Variants in MUC12 observed in about 807,000 individuals in gnomAD.
MUC12 encodes mucin 12, cell surface associated.
A neutral mutation model predicts 230.8 loss-of-function variants in MUC12; 172 were observed. The ratio of observed to expected loss-of-function variants is 0.75; its 90% CI spans 0.66 to 0.85. MUC12 has a LOEUF of 0.85. Ranked by LOEUF, MUC12 falls within the 40% of genes least tolerant of loss-of-function variation. The pLI is 0.00. For missense variants in MUC12, 3,506 were observed against 5,920.6 expected, an observed-to-expected ratio of 0.59 and a Z score of 13.38; for synonymous variants, 1,259 against 2,401.9, an observed-to-expected ratio of 0.52 and a Z score of 13.91.
chr7:100,976,215 C>T (rs560373010), intron 1 of MUC12, among the ~76,000 whole-genome samples: 1 of 152,000 alleles, frequency 6.6e-6, no homozygotes, highest in Non-Finnish European at 1.5e-5. Flanking sequence ...CAATTCCAGG[C>T]TGCAGTGAGC....
intron 1 of MUC12, among the ~76,000 whole-genome samples, chr7:100,986,712 C>T (rs1793196643): frequency 6.6e-6 from 1 of 152,116 alleles, no homozygotes; most frequent in African/African-American, 2.4e-5. Context: ...AGGACTGAAC[C>T]GTCTCCTCTG....
chr7:101,006,525 G>A lies in MUC12; in HGVS notation c.15011G>A (p.Gly5004Asp), dbSNP rs994203172. 3.3e-6 allele frequency: 5 copies of A among 1,537,106 alleles called. No homozygotes were observed. In the Admixed American group the frequency reaches 7.8e-5, roughly 24 times the overall value. The stretch of plus-strand genomic sequence containing the variant: ...GGAAAACAATGCGTCTGTCCCCAAG[G>A]CTACGTTGGTTACCAGTGCTTGTCC... ...WNGKQCVCPQ[G>D]YVGYQCLSPL... Residue 5004 changes from glycine to aspartate, a missense_variant, in exon 3 of 12, where the codon GGC becomes GAC. Transcript: ENST00000536621.
intron 9 of MUC12, 54 bp downstream of exon 9, chr7:101,014,128 G>T (rs1384957083): frequency 6.8e-7 from 1 of 1,464,974 alleles, no homozygotes; most frequent in South Asian, 1.4e-5. Flanking sequence ...AGATCCTGGG[G>T]TGGCCACTGT....
At chr7:101,014,237 A>C (rs1793882193) in intron 9 of MUC12, 163 bp downstream of exon 9, 2 of 717,158 alleles carry the variant, frequency 2.8e-6, no homozygotes, top group Admixed American at 6.9e-5. Context: ...GGGTGCAGCA[A>C]AGGGCGGCCT....
Position 101,004,728 on chromosome 7 carries a change from AAAC to A in MUC12, c.14170_14172del (p.Thr4724del), listed in dbSNP as rs1477159779. 9 of 1,537,002 alleles carry A rather than the reference AAAC, an allele frequency of 5.9e-6. No homozygotes were observed. Among genetic ancestry groups the A allele is most frequent in the East Asian group, 2.4e-5 (1 of 40,908 alleles). On this transcript the variant is annotated inframe_deletion, in exon 2 of 12. Coordinates refer to ENST00000536621, the MANE Select transcript of MUC12 (RefSeq NM_001164462.2). The stretch of plus-strand genomic sequence containing the variant: ...TTCTATATCTCTCCAGGCTCAATGG[AAAC>A]AACATTAGCCAGCACTGCCACAACA...
At chr7:100,973,123 G>T (rs1792944592) in intron 1 of MUC12, 2 of 663,024 alleles carry the variant, frequency 3.0e-6, no homozygotes, top group Non-Finnish European at 5.5e-6. Context: ...GGCTGAGTAG[G>T]GCTGGGGATG....
At chr7:100,969,802 G>C in intron 1 of MUC12, 113 bp downstream of exon 1, 1 of 1,449,304 alleles carries the variant, frequency 6.9e-7, no homozygotes, top group East Asian at 2.5e-5. Context: ...GCATGGCAAG[G>C]GGCTGCCACA....
intron 1 of MUC12, among the ~76,000 whole-genome samples, chr7:100,990,338 C>A (rs1364547487): frequency 1.3e-5 from 2 of 152,184 alleles, no homozygotes; most frequent in Non-Finnish European, 2.9e-5. Context: ...TTGAATCATC[C>A]CAAAACCATT....
chr7:101,008,191 A>C (rs10447810), intron 3 of MUC12, among the ~76,000 whole-genome samples: 72,854 of 151,684 alleles, frequency 0.48, 17,669 homozygotes, highest in East Asian at 0.6. Flanking sequence ...AGAGGTGCAG[A>C]TCATAGCTCA....
Position 101,018,800 on chromosome 7 carries a change from G to C in MUC12, c.*164G>C, listed in dbSNP as rs1262784261. ...TGGCCAGTCCCCTGCCTGTGCTCCT[G>C]CTGGGGAAGGCTGGGGGCTGTAAGC... On this transcript the variant is annotated 3_prime_UTR_variant, in exon 12 of 12. Coordinates refer to ENST00000536621, the MANE Select transcript of MUC12 (RefSeq NM_001164462.2). 3.7e-5 allele frequency: 23 copies of C among 616,580 alleles called. No homozygotes were observed. Among genetic ancestry groups the C allele is most frequent in the Non-Finnish European group, 6.0e-5 (23 of 384,558 alleles). 38.2% of individuals were successfully genotyped at this position (616,580 alleles called of 1,614,324 possible). A position where few individuals can be genotyped will look rare whatever the true frequency, so the allele number is the denominator to read the frequency against.
In MUC12 at chr7:100,994,432, C is replaced by T; in HGVS notation, c.3869C>T (p.Thr1290Ile). 1.0e-6 allele frequency: 1 copy of T among 972,560 alleles called. No homozygotes were observed. 60.2% of individuals were successfully genotyped at this position (972,560 alleles called of 1,614,324 possible). ...ETTTLPGSPTTPSLSEKSTTF... is the reference protein window; with the variant it reads ...ETTTLPGSPTIPSLSEKSTTF... Reference sequence around the variant, plus strand: ...ACAACTTTACCTGGCAGTCCCACAACACCAAGCCTCAGTGAGAAATCAACC... The same window carrying T: ...ACAACTTTACCTGGCAGTCCCACAATACCAAGCCTCAGTGAGAAATCAACC... Residue 1290 changes from threonine (T) to isoleucine (I), a missense_variant, in exon 2 of 12, where the codon ACA becomes ATA. Physicochemically the swap from Thr to Ile is moderately conservative, Grantham distance 89 (BLOSUM62 -1). Coordinates refer to ENST00000536621, the MANE Select transcript of MUC12 (RefSeq NM_001164462.2).
At chr7:100,987,970 T>TA (rs34064326) in intron 1 of MUC12, among the ~76,000 whole-genome samples, 20,501 of 113,862 alleles carry the variant, frequency 0.18, 1,603 homozygotes, top group Middle Eastern at 0.29. Flanking sequence ...AAACTACGTC[T>TA]AAAAAAAAAA....
chr7:100,975,526 A>G (rs1398304942), intron 1 of MUC12, among the ~76,000 whole-genome samples: 84 of 152,392 alleles, frequency 5.5e-4, no homozygotes, highest in African/African-American at 1.9e-3. Context: ...TTATTCAGCA[A>G]ACACCAAAGG....
intron 5 of MUC12, 74 bp from the exon 6 acceptor site, chr7:101,012,222 A>G (rs1359010235): frequency 1.3e-6 from 2 of 1,492,310 alleles, no homozygotes; most frequent in African/African-American, 2.8e-5. Flanking sequence ...TCCCATTACC[A>G]CTCTGGGTGC....
rs990691516 is a variant in MUC12, at chr7:101,015,747, G to A, written c.15877+56G>A. 310 of 1,459,354 alleles carry A rather than the reference G, an allele frequency of 2.1e-4. 2 individuals are homozygous for A. The highest frequency in any genetic ancestry group is 2.8e-4 in the Non-Finnish European group (304 of 1,077,672). 90.4% of individuals were successfully genotyped at this position (1,459,354 alleles called of 1,614,324 possible). A position where few individuals can be genotyped will look rare whatever the true frequency, so the allele number is the denominator to read the frequency against. ...AGAGCTGGAGGGTGAAGAAAGGCAG[G>A]GCGGTGCCTGTGCCTGTGGGGGTGA... On this transcript the variant is annotated intron_variant, in intron 10 of 11. Transcript: ENST00000536621.
intron 1 of MUC12, among the ~76,000 whole-genome samples, chr7:100,977,820 G>A (rs777158174): frequency 5.9e-5 from 9 of 151,786 alleles, no homozygotes; most frequent in Admixed American, 1.3e-4. Flanking sequence ...CACTGGCCTC[G>A]GCCTCTCAAA....
Position 101,013,940 on chromosome 7 carries a change from C to G in MUC12, c.15666C>G (p.Tyr5222Ter). Reference sequence around the variant, plus strand: ...GCCCAAATACGAACACACACTGGTACTGGGGAGAGACCTGTGAATTCAACA... The same window carrying G: ...GCCCAAATACGAACACACACTGGTAGTGGGGAGAGACCTGTGAATTCAACA... The part of the protein sequence containing the change: ...CLCPNTNTHW[Y>*]WGETCEFNIA... Residue 5222 changes from tyrosine to a stop codon, truncating the protein, a stop_gained, in exon 9 of 12, where the codon TAC becomes TAG. Transcript: ENST00000536621. LOFTEE classifies it high-confidence loss of function. 6.5e-7 allele frequency: 1 copy of G among 1,536,164 alleles called. No homozygotes were observed. Among genetic ancestry groups the G allele is most frequent in the Non-Finnish European group, 8.7e-7 (1 of 1,146,418 alleles).
intron 1 of MUC12, among the ~76,000 whole-genome samples, chr7:100,979,656 G>A (rs1486605358): frequency 5.3e-5 from 8 of 151,918 alleles, no homozygotes; most frequent in African/African-American, 1.9e-4. Flanking sequence ...GGGGCCTGTA[G>A]TCCCAGCTAC....
At chr7:100,984,373 C>T (rs1170384975) in intron 1 of MUC12, among the ~76,000 whole-genome samples, 2 of 151,850 alleles carry the variant, frequency 1.3e-5, no homozygotes, top group Non-Finnish European at 1.5e-5. Context: ...TCTCCTGCCC[C>T]AGCCGCCCAA....
Sources: allele counts gnomAD v4.1 joint callset (sites outside exome capture counted in the v4.1 genomes callset), GRCh38; gene constraint gnomAD v4.1.1; transcripts MANE v1.5; gene names NCBI Gene and HGNC (gene_info 2026-07-23, HGNC 2026-07-21).